Variants in NUP160 observed in about 807,000 individuals in gnomAD.
NUP160 encodes nuclear pore complex protein Nup160.
Under a neutral mutation model 196.9 loss-of-function variants are expected in NUP160, and 94 were observed. That is an observed-to-expected ratio of 0.48 (90% confidence interval 0.40 to 0.57). The LOEUF (loss-of-function observed/expected upper bound fraction) is 0.57. Ranked by LOEUF, NUP160 falls within the 20% of genes least tolerant of loss-of-function variation. The probability of loss-of-function intolerance (pLI) is 0.00; values close to 1 mark genes in which losing one functional copy is unlikely to be tolerated. For missense variants in NUP160, 1,638 were observed against 1,748.3 expected (o/e 0.94, Z 1.13); for synonymous variants, 605 against 619.7 (o/e 0.98, Z 0.35).
At position 47,818,179 on chromosome 11, in the gene NUP160, A is replaced by G. The variant is rs1351097987; in HGVS notation, c.1363-55T>C. On this transcript the variant is annotated intron_variant, in intron 10 of 35. Coordinates refer to ENST00000378460, the Ensembl canonical transcript of NUP160. ...TTGTCCTAAACAAAATTTGGAATTC[A>G]ACACATAACACCAAAGTTTGAGTTT... The G allele has an allele frequency of 1.5e-5, 17 of 1,110,046 alleles. No individual in the cohort carries two copies. The East Asian group carries it at 3.5e-4, about 23-fold the overall frequency. The allele number at this position is 1,110,046 out of a possible 1,614,324, so 68.8% of individuals were successfully genotyped here.
intron 13 of NUP160, among the ~76,000 whole-genome samples, chr11:47,814,918 T>C (rs2097683439): frequency 6.6e-6 from 1 of 152,158 alleles, no homozygotes; most frequent in Non-Finnish European, 1.5e-5. Flanking sequence ...TTACCTTAAG[T>C]TGGAAATTAC....
chr11:47,841,399 A>G (rs73456973), intron 2 of NUP160: 5,234 of 461,236 alleles, frequency 0.011, 278 homozygotes, highest in African/African-American at 0.1. Context: ...AATCCTGACC[A>G]ACCGCTCAGA....
At chr11:47,788,946 G>A (rs1287165011) in intron 29 of NUP160, among the ~76,000 whole-genome samples, 1 of 151,136 alleles carries the variant, frequency 6.6e-6, no homozygotes, top group Non-Finnish European at 1.5e-5. Flanking sequence ...GCATGATCTC[G>A]GCTCACTGCA....
chr11:47,844,328 C>T (rs1350436511), intron 2 of NUP160, among the ~76,000 whole-genome samples: 2 of 152,182 alleles, frequency 1.3e-5, no homozygotes, highest in Non-Finnish European at 2.9e-5. Flanking sequence ...CACGTCATTC[C>T]TCCACTTTAA....
In NUP160 at chr11:47,813,534, T is replaced by C; in HGVS notation, c.1687-119A>G. On this transcript the variant is annotated intron_variant, in intron 13 of 35. Coordinates refer to ENST00000378460, the Ensembl canonical transcript of NUP160. Reference sequence around the variant, plus strand: ...AGTTGCAATACACTCTATAAAATAATAGGTGTAAGTCTTGGCTGGGCACAG... The same window carrying C: ...AGTTGCAATACACTCTATAAAATAACAGGTGTAAGTCTTGGCTGGGCACAG... 6 of 644,658 alleles carry C rather than the reference T, an allele frequency of 9.3e-6. No individual in the cohort carries two copies. In the Admixed American group the frequency reaches 1.2e-4, roughly 13 times the overall value. The allele number at this position is 644,658 out of a possible 1,614,324, so 39.9% of individuals were successfully genotyped here.
intron 2 of NUP160, among the ~76,000 whole-genome samples, chr11:47,844,102 T>C (rs1565212159): frequency 6.6e-6 from 1 of 152,198 alleles, no homozygotes; most frequent in Non-Finnish European, 1.5e-5. Flanking sequence ...CCCCATCCAA[T>C]GCAACAGTAA....
At chr11:47,834,912 G>A (rs1352791179) in intron 7 of NUP160, among the ~76,000 whole-genome samples, 4 of 152,146 alleles carry the variant, frequency 2.6e-5, no homozygotes, top group Non-Finnish European at 4.4e-5. Flanking sequence ...GAGGTCCATT[G>A]CATGGGGGCA....
chr11:47,821,764 C>T, exon 9 of NUP160: 1 of 1,614,072 alleles, frequency 6.2e-7, no homozygotes, highest in South Asian at 1.1e-5. Flanking sequence ...TGGTTCTCAG[C>T]ATCATGCCAC....
intron 23 of NUP160, among the ~76,000 whole-genome samples, chr11:47,799,112 C>G (rs911502058): frequency 6.7e-6 from 1 of 150,282 alleles, no homozygotes; most frequent in African/African-American, 2.4e-5. Context: ...TTTTTTGAGA[C>G]AGGGTCTCTG....
At chr11:47,798,049 C>T (rs145586215) in exon 26 of NUP160, 67 of 1,580,190 alleles carry the variant, frequency 4.2e-5, no homozygotes, top group Non-Finnish European at 5.4e-5. Flanking sequence ...AGAACTACCA[C>T]CAACTGCCGT....
intron 20 of NUP160, among the ~76,000 whole-genome samples, 187 bp downstream of exon 20, chr11:47,805,966 A>G (rs543830344): frequency 1.3e-5 from 2 of 152,032 alleles, no homozygotes; most frequent in South Asian, 2.1e-4. Flanking sequence ...GGTGCAGGCC[A>G]CCACGCCTGA....
chr11:47,780,820 C>T (rs1016564036), intron 34 of NUP160, among the ~76,000 whole-genome samples: 5 of 151,996 alleles, frequency 3.3e-5, no homozygotes, highest in Non-Finnish European at 5.9e-5. Context: ...CCACTGTGCC[C>T]GGCAAAATAA....
At chr11:47,817,904 A>T in intron 11 of NUP160, 152 bp downstream of exon 11, 2 of 562,960 alleles carry the variant, frequency 3.6e-6, no homozygotes, top group South Asian at 5.5e-5. Context: ...TGGAAAGAAC[A>T]TTAAAAAAAT....
At chr11:47,821,619 C>G (rs1851859123) in intron 9 of NUP160, 105 bp downstream of exon 9, 1 of 804,016 alleles carries the variant, frequency 1.2e-6, no homozygotes, top group Non-Finnish European at 2.1e-6. Context: ...CTCGGCCTCT[C>G]AAAGTGTTAG....
At chr11:47,847,760 CT>C in intron 2 of NUP160, 87 bp downstream of exon 2, 1 of 839,126 alleles carries the variant, frequency 1.2e-6, no homozygotes, top group South Asian at 1.4e-5. Flanking sequence ...TCAATTACCG[CT>C]TCTAGAATAG....
At chr11:47,780,533 A>G in intron 34 of NUP160, 86 bp from the exon 35 acceptor site, 1 of 751,442 alleles carries the variant, frequency 1.3e-6, no homozygotes, top group Non-Finnish European at 2.1e-6. Flanking sequence ...CTGTAGAATA[A>G]AATACCCTTT....
At chr11:47,811,241 G>A (rs11605774) in intron 17 of NUP160, among the ~76,000 whole-genome samples, 40,918 of 152,046 alleles carry the variant, frequency 0.27, 6,709 homozygotes, top group Middle Eastern at 0.38. Flanking sequence ...GGGCAAGGTG[G>A]CTCATGCCTG....
chr11:47,809,256 C>CAAAAAAAA (rs35748617), intron 17 of NUP160, among the ~76,000 whole-genome samples: 2 of 94,752 alleles, frequency 2.1e-5, no homozygotes, highest in Non-Finnish European at 3.8e-5. Context: ...GAACTTGTCT[C>CAAAAAAAA]AAAAAAAAAA....
intron 34 of NUP160, among the ~76,000 whole-genome samples, chr11:47,781,115 C>T (rs1410106657): frequency 4.6e-5 from 7 of 151,656 alleles, no homozygotes; most frequent in South Asian, 4.2e-4. Context: ...CCCAGCTGCT[C>T]GGGAGGCTGA....
Sources: gnomAD v4.1 joint callset for allele counts (sites outside exome capture counted in the v4.1 genomes callset) on GRCh38, gnomAD v4.1.1 for gene constraint, MANE v1.5 for transcripts, NCBI Gene and HGNC (gene_info 2026-07-23, HGNC 2026-07-21) for gene names.